Variants in INTS1 observed in about 807,000 individuals in gnomAD.
The protein encoded by INTS1 is integrator complex subunit 1.
In INTS1, 137 loss-of-function variants were observed where a neutral mutation model predicts 241.6. The ratio of observed to expected loss-of-function variants is 0.57; its 90% CI spans 0.49 to 0.65. INTS1 has a LOEUF of 0.65. INTS1 is among the 30% of genes least tolerant of loss of function. INTS1 has a pLI of 0.00. For synonymous variants in INTS1, 1,692 were observed against 1,337.8 expected (o/e 1.26, Z -5.78); for missense variants, 3,073 against 3,032.2 (o/e 1.01, Z -0.32).
rs1562502238 is a variant in INTS1, at chr7:1,486,692, T to TCA, written c.2907_2908dup (p.Glu970ValfsTer23). On this transcript the variant is annotated frameshift_variant, in exon 22 of 48. Transcript: ENST00000404767. LOFTEE classifies it high-confidence loss of function. The stretch of plus-strand genomic sequence containing the variant: ...GCGCCGCAAGAAGTAGTCCAGCACC[T>TCA]CACACGTGGTCTGCTCATCAGCCTT... 6.2e-7 allele frequency: 1 copy of TCA among 1,612,614 alleles called. No individual in the cohort carries two copies.
chr7:1,483,913 G>T, intron 25 of INTS1, 60 bp from the exon 26 acceptor site: 1 of 1,587,552 alleles, frequency 6.3e-7, no homozygotes. Flanking sequence ...CAGCGCCGAG[G>T]GTACCCAGCT....
chr7:1,482,939 TGTCGTGGCC>T (rs1446756591), intron 26 of INTS1: 3 of 560,992 alleles, frequency 5.3e-6, no homozygotes, highest in Non-Finnish European at 9.5e-6. Context: ...ACTGCCATTT[TGTCGTGGCC>T]AAGGGGACAT....
intron 26 of INTS1, 52 bp from the exon 27 acceptor site, chr7:1,482,759 C>A: frequency 3.8e-6 from 6 of 1,590,060 alleles, no homozygotes; most frequent in Non-Finnish European, 3.4e-6. Flanking sequence ...GGGCCCAGCC[C>A]CAAGCACCGC....
chr7:1,475,949 TTGCAGACGC>T lies in INTS1; in HGVS notation c.5492_5500del (p.Ser1831_Cys1833del), dbSNP rs1368487678. On this transcript the variant is annotated inframe_deletion and splice_region_variant, in exon 39 of 48. Transcript: ENST00000404767. ...GGAGCGGCAGAGTTGCGCCCTCACC[TTGCAGACGC>T]TGCTGCTGGCAGCCCCTTCGCTGTG... 6.5e-7 allele frequency: 1 copy of T among 1,538,968 alleles called. No individual in the cohort carries two copies. The highest frequency in any genetic ancestry group is 1.2e-5 in the South Asian group (1 of 83,952).
Position 1,476,639 on chromosome 7 carries a change from A to C in INTS1, c.5082T>G (p.Ser1694=), listed in dbSNP as rs760226792. 1 of 1,612,660 alleles carries C rather than the reference A, an allele frequency of 6.2e-7. No homozygotes were observed. The highest frequency in any genetic ancestry group is 8.5e-7 in the Non-Finnish European group (1 of 1,179,864). ...SREQRFDPSA[S]LDFLWACIHV... ...GGATGCAGGCCCAGAGGAAGTCCAG[A>C]GAGGCAGAGGGGTCGAACCTGTGGG... The change falls in exon 37 of 48, where the codon TCT becomes TCG. Residue 1694 remains serine, a synonymous_variant. Coordinates refer to ENST00000404767, the MANE Select transcript of INTS1 (RefSeq NM_001080453.3).
rs773466052 is a variant in INTS1, at chr7:1,470,688, G to A, written c.6462C>T (p.His2154=). ...AGGCCCGGTGGAGCAGCACAGCCGC[G>A]TGCTCTGTGGGGGAAACGGGGCCCT... The part of the protein sequence containing the change: ...LPEYALLCQE[H]AAVLLHRAFL... Residue 2154 remains histidine, a synonymous_variant, in exon 48 of 48, where the codon CAC becomes CAT. Transcript: ENST00000404767. The A allele has an allele frequency of 1.0e-5, 16 of 1,549,786 alleles. No individual in the cohort carries two copies. The highest frequency in any genetic ancestry group is 2.7e-5 in the African/African-American group (2 of 73,206).
At position 1,498,760 on chromosome 7, in the gene INTS1, G is replaced by A. The variant is rs181128403; in HGVS notation, c.1230C>T (p.Ile410=). ...SEDMDVISHL[I]KIRLKPKVLL... The stretch of plus-strand genomic sequence containing the variant: ...GGACCTTGGGCTTGAGGCGGATCTT[G>A]ATCAGGTGTGAGATGACGTCCATGT... The change falls in exon 9 of 48, where the codon ATC becomes ATT. Residue 410 remains isoleucine (I), a synonymous_variant. Coordinates refer to ENST00000404767, the MANE Select transcript of INTS1 (RefSeq NM_001080453.3). 864 of 1,579,624 alleles carry A rather than the reference G, an allele frequency of 5.5e-4. 6 individuals carry two copies. The African/African-American group carries it at 0.01, about 19-fold the overall frequency.
In INTS1 at chr7:1,478,714, C is replaced by T. The variant is rs760995445; in HGVS notation, c.4489+12G>A. 4 of 1,550,310 alleles carry T rather than the reference C, an allele frequency of 2.6e-6. No individual in the cohort carries two copies. Among genetic ancestry groups the T allele is most frequent in the Admixed American group, 1.8e-5 (1 of 55,194 alleles). On this transcript the variant is annotated intron_variant, in intron 32 of 47. Transcript: ENST00000404767. ...GCCCCCCAGCCGTCTGCCAGCCCGG[C>T]GCGGTCCTCACCATCACTGAGCCTG...
intron 23 of INTS1, 25 bp downstream of exon 23, chr7:1,485,265 C>A: frequency 6.3e-7 from 1 of 1,597,910 alleles, no homozygotes; most frequent in Non-Finnish European, 8.5e-7. Flanking sequence ...TCTTTCCCTG[C>A]CGCGGCCCCG....
In INTS1 at chr7:1,484,021, G is replaced by A. The variant is rs2128537366; in HGVS notation, c.3411C>T (p.Gly1137=). Residue 1137 remains glycine (G), a synonymous_variant, in exon 25 of 48, where the codon GGC becomes GGT. Transcript: ENST00000404767. ...CCCTCACCCAGCTGTAGACCTCCTC[G>A]CCCTCCTTGCTCTGCCGCATGCGCC... The part of the protein sequence containing the change: ...YVRRMRQSKE[G]EEVYSWSESQ... 1 of 1,609,324 alleles carries A rather than the reference G, an allele frequency of 6.2e-7. No individual in the cohort carries two copies. The highest frequency in any genetic ancestry group is 8.5e-7 in the Non-Finnish European group (1 of 1,178,028).
chr7:1,478,508 T>G lies in INTS1; in HGVS notation c.4490-2A>C. 6.2e-7 allele frequency: 1 copy of G among 1,609,466 alleles called. No homozygotes were observed. Among genetic ancestry groups the G allele is most frequent in the South Asian group, 1.1e-5 (1 of 90,602 alleles). On this transcript the variant is annotated splice_acceptor_variant, in intron 32 of 47. Transcript: ENST00000404767. LOFTEE classifies it high-confidence loss of function. ...CCAGGCGCAGGAGCCCCCCTCGCACTGTGGGAGGTCTGTGTGAGTGCCCTG... is the reference window on the plus strand; with the variant it reads ...CCAGGCGCAGGAGCCCCCCTCGCACGGTGGGAGGTCTGTGTGAGTGCCCTG...
At chr7:1,498,943 G>GGCGCCCCCCCCCCCCCCCC in intron 8 of INTS1, 32 bp downstream of exon 8, 1 of 1,070,746 alleles carries the variant, frequency 9.3e-7, no homozygotes, top group Non-Finnish European at 1.3e-6. Context: ...CCCACCCCCT[G>GGCGCCCCCCCCCCCCCCCC]CCCCGCCCAC....
chr7:1,489,635 C>T lies in INTS1; in HGVS notation c.2213G>A (p.Trp738Ter). The T allele has an allele frequency of 1.3e-6, 2 of 1,590,346 alleles. No homozygotes were observed. The highest frequency in any genetic ancestry group is 1.7e-6 in the Non-Finnish European group (2 of 1,167,678). ...LAISTLYWKA[W>*]PLLLVVAAFN... ...TGCGGCGACGACCAGCAGGAGGGGC[C>T]AGGCCTTCCAGTAGAGGGTAGAGAT... Residue 738 changes from tryptophan (W) to a stop codon, truncating the protein, a stop_gained, in exon 17 of 48, where the codon TGG (tryptophan) becomes TAG (stop). Coordinates refer to ENST00000404767, the MANE Select transcript of INTS1 (RefSeq NM_001080453.3). LOFTEE classifies it high-confidence loss of function.
rs566197365 is a variant in INTS1 at position 1,485,201 on chromosome 7, G to T, written c.3158C>A (p.Ala1053Glu). ...RSTTALALQQ[A>E]IHMETDPQTI... ...CTGGGGATCAGTCTCCATGTGGATT[G>T]CCTGGAGGGGAGGGTGGTCTGAGCG... The change falls in exon 24 of 48, where the codon GCA becomes GAA. Residue 1053 changes from alanine to glutamate, a missense_variant and splice_region_variant. By Grantham distance (107) the Ala-to-Glu change is moderately radical. Coordinates refer to ENST00000404767, the MANE Select transcript of INTS1 (RefSeq NM_001080453.3). 6.3e-7 allele frequency: 1 copy of T among 1,599,692 alleles called. No homozygotes were observed. Among genetic ancestry groups the T allele is most frequent in the Non-Finnish European group, 8.5e-7 (1 of 1,178,916 alleles).
chr7:1,472,396 A>G lies in INTS1; in HGVS notation c.6071-10T>C, dbSNP rs772547243. 6.6e-7 allele frequency: 1 copy of G among 1,525,636 alleles called. No individual in the cohort carries two copies. The highest frequency in any genetic ancestry group is 8.9e-7 in the Non-Finnish European group (1 of 1,129,212). The allele number at this position is 1,525,636 out of a possible 1,614,324, so 94.5% of individuals were successfully genotyped here. Reference sequence around the variant, plus strand: ...CCGGCTGAGCTCTCCTCTGGAAGACAGTGGCAGTGCTGCAGGAGGGCGGGA... The same window carrying G: ...CCGGCTGAGCTCTCCTCTGGAAGACGGTGGCAGTGCTGCAGGAGGGCGGGA... On this transcript the variant is annotated splice_polypyrimidine_tract_variant and intron_variant, in intron 43 of 47. Transcript: ENST00000404767.
intron 11 of INTS1, among the ~76,000 whole-genome samples, chr7:1,496,717 G>A (rs541771600): frequency 2.0e-4 from 30 of 152,234 alleles, no homozygotes; most frequent in African/African-American, 6.3e-4. Context: ...AGGCCACCCC[G>A]GCAGGCTGGC....
In INTS1 at chr7:1,470,588, C is replaced by A; in HGVS notation, c.6562G>T (p.Ala2188Ser). Reference sequence around the variant, plus strand: ...CGGCTGCCACAGGCTCACATCACGGCCTCCATATGCAGGATCCTCAGGGCC... The same window carrying A: ...CGGCTGCCACAGGCTCACATCACGGACTCCATATGCAGGATCCTCAGGGCC... ...SEALRILHME[A>S]VM Residue 2188 changes from alanine to serine, a missense_variant, in exon 48 of 48, where the codon GCC becomes TCC. Transcript: ENST00000404767. The A allele has an allele frequency of 1.9e-6, 3 of 1,566,186 alleles. No individual in the cohort carries two copies. The highest frequency in any genetic ancestry group is 2.3e-5 in the South Asian group (2 of 85,438).
intron 24 of INTS1, 80 bp downstream of exon 24, chr7:1,485,018 G>A (rs1041692433): frequency 4.8e-5 from 15 of 312,286 alleles, no homozygotes; most frequent in South Asian, 2.5e-4. Flanking sequence ...GGCTGGCCCC[G>A]TCCCCTCCCC....
Position 1,471,606 on chromosome 7 carries a change from A to G in INTS1, c.6220T>C (p.Ser2074Pro). The G allele has an allele frequency of 6.2e-7, 1 of 1,612,286 alleles. No homozygotes were observed. The highest frequency in any genetic ancestry group is 8.5e-7 in the Non-Finnish European group (1 of 1,179,784). ...LEVLSDIDEM[S>P]RRRPEILSFF... is the part of the protein sequence containing the mutation. Reference sequence around the variant, plus strand: ...CTCAGGATCTCGGGTCTCCGCCGGGACATCTCGTCTATGTCACTCAGAACC... The same window carrying G: ...CTCAGGATCTCGGGTCTCCGCCGGGGCATCTCGTCTATGTCACTCAGAACC... Residue 2074 changes from serine (S) to proline (P), a missense_variant, in exon 45 of 48, where the codon TCC (serine) becomes CCC (proline). Transcript: ENST00000404767.
Sources: gnomAD v4.1 joint callset for allele counts (sites outside exome capture counted in the v4.1 genomes callset) on GRCh38, gnomAD v4.1.1 for gene constraint, MANE v1.5 for transcripts, NCBI Gene and HGNC (gene_info 2026-07-23, HGNC 2026-07-21) for gene names.